The following STK39 variants were observed in gnomAD, a reference collection of about 807,000 sequenced individuals.
STK39 encodes STE20/SPS1-related proline-alanine-rich protein kinase.
STK39 carries 20 observed loss-of-function variants against 77.8 expected under a neutral mutation model. That is an observed-to-expected ratio of 0.26 (90% CI 0.18 to 0.37). STK39 has a LOEUF of 0.37. STK39 is among the 10% of genes least tolerant of loss of function. The pLI is 1.00. For synonymous variants in STK39, 246 were observed against 234.1 expected (o/e 1.05, Z -0.47); for missense variants, 479 against 656.5 (o/e 0.73, Z 2.95).
chr2:168,057,204 C>A (rs1685547962), intron 14 of STK39, among the ~76,000 whole-genome samples: 1 of 152,114 alleles, frequency 6.6e-6, no homozygotes, highest in South Asian at 2.1e-4. Flanking sequence ...TATTTACTTA[C>A]TTTTTTGAGA....
intron 1 of STK39, among the ~76,000 whole-genome samples, chr2:168,213,477 T>C (rs558539549): frequency 6.6e-6 from 1 of 151,918 alleles, no homozygotes; most frequent in Non-Finnish European, 1.5e-5. Flanking sequence ...TAAAAAAAAA[T>C]ATATAGAGGA....
At chr2:168,204,547 A>G (rs182309931) in intron 1 of STK39, among the ~76,000 whole-genome samples, 92 of 152,370 alleles carry the variant, frequency 6.0e-4, no homozygotes, top group African/African-American at 2.0e-3. Context: ...TCCCACTGGT[A>G]GGCTGGAGGA....
At chr2:168,180,060 G>A (rs1414292350) in intron 2 of STK39, among the ~76,000 whole-genome samples, 1 of 152,104 alleles carries the variant, frequency 6.6e-6, no homozygotes, top group East Asian at 1.9e-4. Context: ...TCAAACACAA[G>A]TATCAGCCAG....
chr2:168,136,367 CAAAA>C (rs775507627), intron 8 of STK39, among the ~76,000 whole-genome samples: 2 of 64,824 alleles, frequency 3.1e-5, no homozygotes, highest in Non-Finnish European at 6.2e-5. Flanking sequence ...GACTCCGTCT[CAAAA>C]AAAAAAAAAA....
intron 14 of STK39, among the ~76,000 whole-genome samples, chr2:168,027,706 C>T (rs1684735961): frequency 6.6e-6 from 1 of 152,200 alleles, no homozygotes; most frequent in African/African-American, 2.4e-5. Flanking sequence ...TTTGGCCTCA[C>T]ACACTGGTTA....
At chr2:168,104,657 T>C (rs147666273) in intron 10 of STK39, among the ~76,000 whole-genome samples, 149 of 152,234 alleles carry the variant, frequency 9.8e-4, no homozygotes, top group Middle Eastern at 6.8e-3. Flanking sequence ...GGCCACTAAT[T>C]AGGGCTTCAT....
chr2:167,967,248 A>C (rs989737467), intron 16 of STK39, among the ~76,000 whole-genome samples: 1 of 152,172 alleles, frequency 6.6e-6, no homozygotes, highest in African/African-American at 2.4e-5. Context: ...TTTCTGCAGC[A>C]GACATTGTGC....
intron 14 of STK39, among the ~76,000 whole-genome samples, chr2:168,039,285 A>T (rs1685039767): frequency 6.6e-6 from 1 of 152,204 alleles, no homozygotes; most frequent in South Asian, 2.1e-4. Flanking sequence ...ATTCAAGCTG[A>T]TCCATAGCTT....
At chr2:167,968,095 C>A (rs1459099083) in intron 16 of STK39, among the ~76,000 whole-genome samples, 1 of 152,170 alleles carries the variant, frequency 6.6e-6, no homozygotes, top group Non-Finnish European at 1.5e-5. Flanking sequence ...CCAGCTGCAT[C>A]CATGTCACTG....
intron 5 of STK39, among the ~76,000 whole-genome samples, chr2:168,159,017 G>T (rs2105578013): frequency 6.6e-6 from 1 of 152,052 alleles, no homozygotes; most frequent in South Asian, 2.1e-4. Context: ...CTGATAAAAA[G>T]TTCTGAAAAA....
At chr2:168,195,033 G>A (rs558592880) in intron 1 of STK39, among the ~76,000 whole-genome samples, 46 of 152,170 alleles carry the variant, frequency 3.0e-4, no homozygotes, top group African/African-American at 9.6e-4. Context: ...TTAACAGCTA[G>A]GCTGATTAGA....
intron 1 of STK39, chr2:168,232,125 G>A (rs10177444): frequency 0.39 from 94,184 of 243,772 alleles, 20,039 homozygotes; most frequent in Non-Finnish European, 0.48. Context: ...TCACCAGAGT[G>A]CAGGGACGCA....
chr2:167,997,354 T>C (rs1340166346), intron 16 of STK39, among the ~76,000 whole-genome samples: 1 of 152,056 alleles, frequency 6.6e-6, no homozygotes, highest in African/African-American at 2.4e-5. Flanking sequence ...TAAAAGAAGC[T>C]TGATGTTTGA....
At chr2:168,180,237 C>T (rs1689051277) in intron 2 of STK39, among the ~76,000 whole-genome samples, 1 of 152,100 alleles carries the variant, frequency 6.6e-6, no homozygotes. Context: ...ATCCCAGCTA[C>T]TCGGGAGGCT....
intron 5 of STK39, among the ~76,000 whole-genome samples, chr2:168,159,782 A>C (rs1018332861): frequency 6.6e-6 from 1 of 152,204 alleles, no homozygotes; most frequent in African/African-American, 2.4e-5. Context: ...ACTCAAAAAG[A>C]TACCAAGGAA....
intron 16 of STK39, among the ~76,000 whole-genome samples, chr2:167,983,322 A>C (rs970016512): frequency 2.6e-5 from 4 of 152,012 alleles, no homozygotes; most frequent in Non-Finnish European, 5.9e-5. Context: ...TCTACTAAAA[A>C]TACAAAATTA....
intron 10 of STK39, among the ~76,000 whole-genome samples, chr2:168,124,145 T>C (rs1204870746): frequency 6.6e-6 from 1 of 152,208 alleles, no homozygotes; most frequent in Non-Finnish European, 1.5e-5. Context: ...CTCCTTCTGA[T>C]AATGACTAAA....
chr2:168,094,236 C>T (rs1483367033), intron 10 of STK39, among the ~76,000 whole-genome samples: 2 of 152,236 alleles, frequency 1.3e-5, no homozygotes, highest in Non-Finnish European at 2.9e-5. Context: ...TTTCATTCTT[C>T]TCTTGGGTTA....
intron 14 of STK39, among the ~76,000 whole-genome samples, chr2:168,061,044 C>T (rs1384520628): frequency 6.6e-6 from 1 of 152,152 alleles, no homozygotes; most frequent in Non-Finnish European, 1.5e-5. Flanking sequence ...TTCATCAAAA[C>T]TATCAGGTTA....
Sources: allele counts gnomAD v4.1 joint callset (sites outside exome capture counted in the v4.1 genomes callset), GRCh38; gene constraint gnomAD v4.1.1; transcripts MANE v1.5; gene names NCBI Gene and HGNC (gene_info 2026-07-23, HGNC 2026-07-21).